The following MRPL1 variants were observed in gnomAD, a reference collection of about 807,000 sequenced individuals.
MRPL1 encodes mitochondrial ribosomal protein L1.
A neutral mutation model predicts 38.0 loss-of-function variants in MRPL1; 28 were observed. The observed-to-expected ratio is 0.74, with a 90% CI of 0.55 to 1.01. MRPL1 has a LOEUF of 1.01. Among genes scored for constraint, MRPL1 ranks in the 50% least tolerant of loss-of-function variants. The pLI, the probability that MRPL1 is intolerant of heterozygous loss-of-function variation, is 0.00. For missense variants in MRPL1, 358 were observed against 389.8 expected (o/e 0.92, Z 0.69); for synonymous variants, 123 against 126.7 (o/e 0.97, Z 0.20).
intron 7 of MRPL1, among the ~76,000 whole-genome samples, chr4:77,923,520 T>C (rs60670787): frequency 0.02 from 3,047 of 152,350 alleles, 96 homozygotes; most frequent in African/African-American, 0.07. Context: ...CCAACTATTC[T>C]TATATTCCAA....
In MRPL1 at chr4:77,935,941, A is replaced by AT. The variant is rs1403727386; in HGVS notation, c.778-13856_778-13855insT. ...AGCAAGACTATGTCTCAAAAAAAAA[A>AT]AAAAAAGTAAACTCTGTCTTGCATT... On this transcript the variant is annotated intron_variant, in intron 7 of 8. Transcript: ENST00000315567. 6.9e-5 allele frequency among the ~76,000 whole-genome samples: 10 copies of AT among 144,580 alleles called. 1 individual carries two copies. Among genetic ancestry groups the AT allele is most frequent in the Admixed American group, 6.1e-4 (9 of 14,788 alleles). The allele number at this position is 144,580 out of a possible 152,430, so 94.9% of individuals were successfully genotyped here. A position where few individuals can be genotyped will look rare whatever the true frequency, so the allele number is the denominator to read the frequency against.
rs1034845752 is a variant in MRPL1, at chr4:77,885,194, TAG to T, written c.403-59_403-58del. 3.8e-5 allele frequency: 46 copies of T among 1,204,196 alleles called. No homozygotes were observed. The East Asian group carries it at 8.9e-4, about 23-fold the overall frequency. The allele number at this position is 1,204,196 out of a possible 1,614,324, so 74.6% of individuals were successfully genotyped here. A position where few individuals can be genotyped will look rare whatever the true frequency, so the allele number is the denominator to read the frequency against. Reference sequence around the variant, plus strand: ...AAAACATGTCCGTTCTTGTTTTATATAGAGTGTGTGAAATAGAAAAGATTAAC... The same window carrying T: ...AAAACATGTCCGTTCTTGTTTTATATAGTGTGTGAAATAGAAAAGATTAAC... On this transcript the variant is annotated intron_variant, in intron 3 of 8. Coordinates refer to ENST00000315567, the MANE Select transcript of MRPL1 (RefSeq NM_020236.4).
At chr4:77,889,339 G>A (rs887779339) in intron 5 of MRPL1, among the ~76,000 whole-genome samples, 2 of 152,112 alleles carry the variant, frequency 1.3e-5, no homozygotes, top group Non-Finnish European at 2.9e-5. Flanking sequence ...ACTCAAAACC[G>A]CTCAACTACA....
intron 7 of MRPL1, among the ~76,000 whole-genome samples, chr4:77,910,905 G>C (rs1736272674): frequency 6.6e-6 from 1 of 152,118 alleles, no homozygotes; most frequent in Non-Finnish European, 1.5e-5. Flanking sequence ...TTCCCCAAAA[G>C]GCCTTTGACA....
intron 7 of MRPL1, 64 bp from the exon 8 acceptor site, chr4:77,949,733 C>A: frequency 8.6e-7 from 1 of 1,158,526 alleles, no homozygotes; most frequent in South Asian, 1.4e-5. Flanking sequence ...GAAAAATAGT[C>A]TAGAATAATT....
intron 7 of MRPL1, among the ~76,000 whole-genome samples, chr4:77,922,234 A>G (rs1736597332): frequency 6.6e-6 from 1 of 152,258 alleles, no homozygotes; most frequent in Non-Finnish European, 1.5e-5. Flanking sequence ...CTTCTCTAAA[A>G]ACATGACTTT....
chr4:77,908,654 A>G (rs544216177), intron 6 of MRPL1, among the ~76,000 whole-genome samples: 66 of 152,330 alleles, frequency 4.3e-4, no homozygotes, highest in Non-Finnish European at 8.7e-4. Context: ...TAATGGTGCA[A>G]CAATATTACC....
intron 7 of MRPL1, among the ~76,000 whole-genome samples, chr4:77,924,425 C>G (rs141156253): frequency 3.9e-5 from 6 of 152,222 alleles, no homozygotes; most frequent in Non-Finnish European, 5.9e-5. Context: ...TTGATAATTA[C>G]TGTTTCTTAT....
intron 1 of MRPL1, among the ~76,000 whole-genome samples, chr4:77,869,254 G>A (rs995652483): frequency 1.3e-5 from 2 of 152,162 alleles, no homozygotes; most frequent in Non-Finnish European, 2.9e-5. Flanking sequence ...TCATTGCCAC[G>A]GGGTGGGAGA....
intron 7 of MRPL1, among the ~76,000 whole-genome samples, chr4:77,922,329 G>T (rs1178744559): frequency 6.6e-6 from 1 of 152,206 alleles, no homozygotes; most frequent in East Asian, 1.9e-4. Flanking sequence ...AGTATATCTG[G>T]TATGGTTGAG....
chr4:77,863,107 A>T lies in MRPL1; in HGVS notation c.31+228A>T, dbSNP rs577063804. The T allele has an allele frequency of 1.6e-5, 9 of 578,334 alleles. No individual in the cohort carries two copies. In the East Asian group the frequency reaches 2.4e-4, roughly 15 times the overall value. The allele number at this position is 578,334 out of a possible 1,614,324, so 35.8% of individuals were successfully genotyped here. ...GGGAGGGAGTGGGAGCGGGACGTAC[A>T]TCGAGCGCCCTCCAGCCACCTATGG... On this transcript the variant is annotated intron_variant, in intron 1 of 8. Coordinates refer to ENST00000315567, the MANE Select transcript of MRPL1 (RefSeq NM_020236.4).
chr4:77,886,098 T>C (rs1735670116), intron 4 of MRPL1, among the ~76,000 whole-genome samples: 2 of 152,038 alleles, frequency 1.3e-5, no homozygotes. Context: ...TGTTTATGAT[T>C]TTTTTTTAAT....
chr4:77,891,064 G>C (rs1735794265), intron 5 of MRPL1, among the ~76,000 whole-genome samples: 1 of 152,112 alleles, frequency 6.6e-6, no homozygotes, highest in East Asian at 1.9e-4. Flanking sequence ...TTTGGTTGCA[G>C]AACTAGTGGA....
chr4:77,871,915 C>G, intron 2 of MRPL1, 60 bp downstream of exon 2: 1 of 1,100,946 alleles, frequency 9.1e-7, no homozygotes, highest in Non-Finnish European at 1.4e-6. Context: ...TTTTAAAAAG[C>G]ATGTTTAGTT....
chr4:77,893,412 A>C (rs916378157), intron 5 of MRPL1, among the ~76,000 whole-genome samples: 2 of 152,144 alleles, frequency 1.3e-5, no homozygotes, highest in African/African-American at 2.4e-5. Context: ...GTTTAAGTGG[A>C]GTATATTGTA....
At chr4:77,876,501 A>C (rs913199142) in intron 2 of MRPL1, among the ~76,000 whole-genome samples, 1 of 152,270 alleles carries the variant, frequency 6.6e-6, no homozygotes, top group Admixed American at 6.5e-5. Flanking sequence ...TAGAGAGCAT[A>C]GAACAAGAAA....
At chr4:77,944,673 T>C (rs985011843) in intron 7 of MRPL1, among the ~76,000 whole-genome samples, 1 of 152,182 alleles carries the variant, frequency 6.6e-6, no homozygotes, top group African/African-American at 2.4e-5. Context: ...CATCTAAAAA[T>C]TAGGAAGGCA....
intron 6 of MRPL1, among the ~76,000 whole-genome samples, chr4:77,896,608 A>G (rs1735920587): frequency 6.6e-6 from 1 of 152,188 alleles, no homozygotes; most frequent in Admixed American, 6.5e-5. Flanking sequence ...TTCCCCCTAT[A>G]TCCAACAAAA....
chr4:77,891,196 C>T (rs1380424965), intron 5 of MRPL1, among the ~76,000 whole-genome samples: 3 of 151,806 alleles, frequency 2.0e-5, no homozygotes, highest in Non-Finnish European at 4.4e-5. Flanking sequence ...AAAAAATAAT[C>T]ATCACAAATG....
Sources: gnomAD v4.1 joint callset for allele counts (sites outside exome capture counted in the v4.1 genomes callset) on GRCh38, gnomAD v4.1.1 for gene constraint, MANE v1.5 for transcripts, NCBI Gene and HGNC (gene_info 2026-07-23, HGNC 2026-07-21) for gene names.